The following STK11 variants were observed in gnomAD, a reference collection of about 807,000 sequenced individuals.
STK11 encodes the protein serine/threonine-protein kinase STK11.
Under a neutral mutation model 47.3 loss-of-function variants are expected in STK11, and 8 were observed. That is an observed-to-expected ratio of 0.17 (90% CI 0.10 to 0.31). STK11 has a LOEUF of 0.31. STK11 is among the 10% of genes least tolerant of loss of function. The pLI is 1.00. For missense variants in STK11, 475 were observed against 605.0 expected (o/e 0.79, Z 2.25); for synonymous variants, 330 against 255.8 (o/e 1.29, Z -2.77).
Position 1,223,678 on chromosome 19 carries a change from C to T in STK11, c.1108+506C>T, listed in dbSNP as rs147299346. ...CTGAGGCAGGGCTTAGAGCGGAGCG[C>T]GGCTTGCAGAAGAGCGAGGGCTCAG... is the stretch of plus-strand genomic sequence containing the variant. On this transcript the variant is annotated intron_variant, in intron 8 of 9. Coordinates refer to ENST00000326873, the MANE Select transcript of STK11 (RefSeq NM_000455.5). 5.1e-5 allele frequency: 53 copies of T among 1,046,408 alleles called. No individual in the cohort carries two copies. In the African/African-American group the frequency reaches 6.5e-4, roughly 13 times the overall value. The allele number at this position is 1,046,408 out of a possible 1,614,324, so 64.8% of individuals were successfully genotyped here. A position where few individuals can be genotyped will look rare whatever the true frequency, so the allele number is the denominator to read the frequency against.
Position 1,227,809 on chromosome 19 carries a change from A to AGCCCCGGGCGGAGCC in STK11, c.*234_*248dup. 2 of 1,072,662 alleles carry AGCCCCGGGCGGAGCC rather than the reference A, an allele frequency of 1.9e-6. No homozygotes were observed. The highest frequency in any genetic ancestry group is 2.3e-6 in the Non-Finnish European group (2 of 883,880). 66.4% of individuals were successfully genotyped at this position (1,072,662 alleles called of 1,614,324 possible). On this transcript the variant is annotated 3_prime_UTR_variant, in exon 10 of 10. Transcript: ENST00000326873. ...AGTGCACGCGGCTTGTTGACTTCGC[A>AGCCCCGGGCGGAGCC]GCCCCGGGCGGAGCCTTCCCGGGCG...
intron 7 of STK11, 133 bp downstream of exon 7, chr19:1,222,139 C>G (rs1338172793): frequency 5.4e-6 from 6 of 1,109,024 alleles, no homozygotes; most frequent in Non-Finnish European, 7.8e-6. Context: ...CGTGCAGCGC[C>G]CGCAGTTCTC....
chr19:1,212,161 C>G (rs1339906418), intron 1 of STK11, among the ~76,000 whole-genome samples: 1 of 151,882 alleles, frequency 6.6e-6, no homozygotes, highest in African/African-American at 2.4e-5. Context: ...GTTCCTCTCT[C>G]AGGATCTGGG....
chr19:1,216,354 G>C (rs1431283004), intron 1 of STK11: 1 of 172,314 alleles, frequency 5.8e-6, no homozygotes, highest in Non-Finnish European at 1.3e-5. Context: ...GGCCGGGCGC[G>C]GTGACTCACG....
chr19:1,226,868 T>C, intron 9 of STK11: 1 of 609,504 alleles, frequency 1.6e-6, no homozygotes, highest in Non-Finnish European at 2.7e-6. Flanking sequence ...AGCGTGCTGG[T>C]CATGGAGGCC....
At position 1,218,484 on chromosome 19, in the gene STK11, G is replaced by A. The variant is rs775595174; in HGVS notation, c.358G>A (p.Glu120Lys). ...VIQLVDVLYN[E>K]EKQKMYMVME... Reference sequence around the variant, plus strand: ...CCAGCTGGTGGATGTGTTATACAACGAAGAGAAGCAGAAAATATATCCTTT... The same window carrying A: ...CCAGCTGGTGGATGTGTTATACAACAAAGAGAAGCAGAAAATATATCCTTT... The change falls in exon 2 of 10, where the codon GAA (glutamate) becomes AAA (lysine). Residue 120 changes from glutamate to lysine, a missense_variant. Physicochemically the swap from Glu to Lys is moderately conservative, Grantham distance 56. Coordinates refer to ENST00000326873, the MANE Select transcript of STK11 (RefSeq NM_000455.5). 3.1e-6 allele frequency: 5 copies of A among 1,613,442 alleles called. No individual in the cohort carries two copies. The African/African-American group carries it at 4.0e-5, about 13-fold the overall frequency.
At chr19:1,218,906 T>G (rs567648477) in intron 2 of STK11, among the ~76,000 whole-genome samples, 1 of 152,092 alleles carries the variant, frequency 6.6e-6, no homozygotes, top group Non-Finnish European at 1.5e-5. Context: ...ACGGGGACTT[T>G]GCTTCCTAAG....
intron 8 of STK11, chr19:1,225,918 T>C (rs2080817216): frequency 3.2e-6 from 3 of 940,696 alleles, no homozygotes; most frequent in African/African-American, 3.5e-5. Flanking sequence ...GTGCTGGTGA[T>C]GGTTGGTGGC....
At position 1,220,574 on chromosome 19, in the gene STK11, G is replaced by T; in HGVS notation, c.598-7G>T. ...CACTCCCTGAGGGCTGCACGGCACC[G>T]CCACAGGCACTGCACCCGTTCGCGG... On this transcript the variant is annotated splice_polypyrimidine_tract_variant and splice_region_variant and intron_variant, in intron 4 of 9. Coordinates refer to ENST00000326873, the MANE Select transcript of STK11 (RefSeq NM_000455.5). 1 of 1,578,636 alleles carries T rather than the reference G, an allele frequency of 6.3e-7. No individual in the cohort carries two copies. Among genetic ancestry groups the T allele is most frequent in the African/African-American group, 1.3e-5 (1 of 74,282 alleles).
rs762548463 is a variant in STK11 at position 1,226,679 on chromosome 19, G to A, written c.*16+16G>A. ...CCGCCTGCAGGTGGGGCGCGGCGGG[G>A]CCCGGGTGGGGCATGTGGGGACAAC... On this transcript the variant is annotated intron_variant, in intron 9 of 9. Coordinates refer to ENST00000326873, the MANE Select transcript of STK11 (RefSeq NM_000455.5). The A allele has an allele frequency of 6.8e-7, 1 of 1,479,868 alleles. No homozygotes were observed. The highest frequency in any genetic ancestry group is 1.4e-5 in the African/African-American group (1 of 70,612). The allele number at this position is 1,479,868 out of a possible 1,614,324, so 91.7% of individuals were successfully genotyped here.
Position 1,206,674 on chromosome 19 carries a change from C to A in STK11, c.-240C>A. Reference sequence around the variant, plus strand: ...CTCGCGTCTGAGCCGCCGTCCCGGACCCCCGGTGCCCGCCGGTCCGCAGAC... The same window carrying A: ...CTCGCGTCTGAGCCGCCGTCCCGGAACCCCGGTGCCCGCCGGTCCGCAGAC... On this transcript the variant is annotated 5_prime_UTR_variant, in exon 1 of 10. Coordinates refer to ENST00000326873, the MANE Select transcript of STK11 (RefSeq NM_000455.5). The A allele has an allele frequency of 1.8e-6, 1 of 558,150 alleles. No individual in the cohort carries two copies. The highest frequency in any genetic ancestry group is 3.1e-6 in the Non-Finnish European group (1 of 324,850). The allele number at this position is 558,150 out of a possible 1,614,324, so 34.6% of individuals were successfully genotyped here.
At chr19:1,218,141 T>G (rs2080756342) in intron 1 of STK11, among the ~76,000 whole-genome samples, 1 of 150,776 alleles carries the variant, frequency 6.6e-6, no homozygotes, top group African/African-American at 2.4e-5. Flanking sequence ...AGACTCTGTC[T>G]CAGAAAAAAA....
At chr19:1,223,782 G>A in intron 8 of STK11, 1 of 1,036,832 alleles carries the variant, frequency 9.6e-7, no homozygotes, top group Non-Finnish European at 1.2e-6. Flanking sequence ...CGTAGGGGCG[G>A]CCCACATTGG....
At chr19:1,226,902 G>C in intron 9 of STK11, 1 of 526,556 alleles carries the variant, frequency 1.9e-6, no homozygotes, top group Non-Finnish European at 3.2e-6. Flanking sequence ...GCTCTGGGGG[G>C]GCGTGCCGTC....
chr19:1,221,626 G>A (rs2080785088), intron 6 of STK11: 7 of 587,200 alleles, frequency 1.2e-5, no homozygotes, highest in African/African-American at 1.9e-5. Context: ...TGCAGGGTCT[G>A]TCAGGGTTGT....
rs786201397 is a variant in STK11, at chr19:1,226,648, G to A, written c.*1G>A. The A allele has an allele frequency of 6.6e-7, 1 of 1,519,872 alleles. No individual in the cohort carries two copies. The highest frequency in any genetic ancestry group is 1.2e-5 in the South Asian group (1 of 81,404). 94.1% of individuals were successfully genotyped at this position (1,519,872 alleles called of 1,614,324 possible). A position where few individuals can be genotyped will look rare whatever the true frequency, so the allele number is the denominator to read the frequency against. ...GCTGTCGGCCTGCAAGCAGCAGTGA[G>A]GCTGGCCGCCTGCAGGTGGGGCGCG... On this transcript the variant is annotated 3_prime_UTR_variant, in exon 9 of 10. Transcript: ENST00000326873.
chr19:1,209,569 G>A (rs1037594977), intron 1 of STK11, among the ~76,000 whole-genome samples: 1 of 151,378 alleles, frequency 6.6e-6, no homozygotes, highest in Non-Finnish European at 1.5e-5. Context: ...GCGACACAGC[G>A]AGACTCTGTC....
At chr19:1,224,424 G>T (rs758331068) in intron 8 of STK11, 46 of 985,328 alleles carry the variant, frequency 4.7e-5, no homozygotes, top group Non-Finnish European at 5.5e-5. Context: ...CATCCTTGGG[G>T]CCTGGCTGCA....
chr19:1,215,725 G>A (rs1461674488), intron 1 of STK11, among the ~76,000 whole-genome samples: 1 of 152,098 alleles, frequency 6.6e-6, no homozygotes, highest in East Asian at 1.9e-4. Flanking sequence ...TGGGTCGTGG[G>A]ATACCCCTGA....
Sources: allele counts gnomAD v4.1 joint callset (sites outside exome capture counted in the v4.1 genomes callset), GRCh38; gene constraint gnomAD v4.1.1; transcripts MANE v1.5; gene names NCBI Gene and HGNC (gene_info 2026-07-23, HGNC 2026-07-21).